Variants in RFX4 observed in about 807,000 individuals in gnomAD.
The protein encoded by RFX4 is regulatory factor X4, also known as transcription factor RFX4.
RFX4 carries 10 observed loss-of-function variants against 95.0 expected under a neutral mutation model. The ratio of observed to expected loss-of-function variants is 0.11; its 90% CI spans 0.06 to 0.18. The LOEUF (loss-of-function observed/expected upper bound fraction) is 0.18. Ranked by LOEUF, RFX4 falls within the 10% of genes least tolerant of loss-of-function variation. The pLI, the probability that RFX4 is intolerant of heterozygous loss-of-function variation, is 1.00. For synonymous variants in RFX4, 321 were observed against 340.7 expected (o/e 0.94, Z 0.64); for missense variants, 640 against 922.0 (o/e 0.69, Z 3.96).
chr12:106,665,915 C>T (rs537123618), intron 4 of RFX4, among the ~76,000 whole-genome samples: 1 of 151,942 alleles, frequency 6.6e-6, no homozygotes, highest in African/African-American at 2.4e-5. Context: ...TCTGTTAGAT[C>T]AATTAAAAAA....
intron 11 of RFX4, among the ~76,000 whole-genome samples, chr12:106,719,242 A>C (rs1218219419): frequency 6.6e-6 from 1 of 152,204 alleles, no homozygotes; most frequent in Non-Finnish European, 1.5e-5. Context: ...GGGCAGAGAG[A>C]CTGGTTCACT....
Position 106,725,330 on chromosome 12 carries a change from C to T in RFX4, c.1351+4454C>T, listed in dbSNP as rs188040134. Reference sequence around the variant, plus strand: ...CGCACAGACCCCAATTGTTAATGGACGGCACATCAAAGAATTTAGGGACCC... The same window carrying T: ...CGCACAGACCCCAATTGTTAATGGATGGCACATCAAAGAATTTAGGGACCC... On this transcript the variant is annotated intron_variant, in intron 13 of 17. Coordinates refer to ENST00000392842, the MANE Select transcript of RFX4 (RefSeq NM_213594.3). Among the ~76,000 whole-genome samples the T allele has an allele frequency of 1.1e-4, 16 of 151,894 alleles. No individual in the cohort carries two copies. In the East Asian group the frequency reaches 2.9e-3, roughly 28 times the overall value.
At chr12:106,708,354 T>C (rs2042126404) in intron 8 of RFX4, among the ~76,000 whole-genome samples, 1 of 151,724 alleles carries the variant, frequency 6.6e-6, no homozygotes, top group African/African-American at 2.4e-5. Flanking sequence ...TTTTTTTTTT[T>C]TCCCTGAGAA....
At chr12:106,712,446 G>T (rs961452418) in intron 10 of RFX4, among the ~76,000 whole-genome samples, 1 of 152,090 alleles carries the variant, frequency 6.6e-6, no homozygotes, top group Admixed American at 6.6e-5. Context: ...TCACCTGCCT[G>T]CCCCCTTCCT....
intron 4 of RFX4, among the ~76,000 whole-genome samples, chr12:106,671,864 G>C (rs2137369609): frequency 6.6e-6 from 1 of 152,170 alleles, no homozygotes; most frequent in South Asian, 2.1e-4. Context: ...GTTTCACTGT[G>C]TTGCCCAGGC....
intron 1 of RFX4, chr12:106,601,328 C>A: frequency 6.3e-7 from 1 of 1,588,248 alleles, no homozygotes. Flanking sequence ...GACCAGGCCT[C>A]GACGGCGCCG....
intron 9 of RFX4, among the ~76,000 whole-genome samples, chr12:106,709,767 T>C (rs12422687): frequency 0.22 from 32,936 of 151,974 alleles, 4,057 homozygotes; most frequent in East Asian, 0.34. Flanking sequence ...GCCTCTGCGA[T>C]GTAGAAAGTA....
At chr12:106,589,822 G>A (rs1034780682) in intron 1 of RFX4, among the ~76,000 whole-genome samples, 4 of 152,360 alleles carry the variant, frequency 2.6e-5, no homozygotes, top group South Asian at 2.1e-4. Context: ...CTGTGACTCC[G>A]CCTTTAAGGG....
intron 8 of RFX4, among the ~76,000 whole-genome samples, chr12:106,700,404 T>C (rs914287727): frequency 4.0e-5 from 5 of 126,520 alleles, no homozygotes; most frequent in Non-Finnish European, 8.1e-5. Flanking sequence ...CTTCTTTTTC[T>C]TTTTTTTTTT....
At chr12:106,735,427 T>C (rs1235226996) in intron 15 of RFX4, among the ~76,000 whole-genome samples, 3 of 152,062 alleles carry the variant, frequency 2.0e-5, no homozygotes, top group Non-Finnish European at 4.4e-5. Context: ...AAAGCTCTCA[T>C]TGAACATGTG....
chr12:106,682,229 A>C, intron 5 of RFX4, 175 bp downstream of exon 5: 1 of 616,194 alleles, frequency 1.6e-6, no homozygotes, highest in Non-Finnish European at 2.8e-6. Context: ...GACTCCTGAA[A>C]GAGAGGTTGT....
intron 15 of RFX4, among the ~76,000 whole-genome samples, chr12:106,743,915 G>C (rs944279846): frequency 1.1e-4 from 16 of 152,044 alleles, no homozygotes; most frequent in Non-Finnish European, 2.2e-4. Flanking sequence ...CACCCTTTCT[G>C]CTTCCATTTC....
At chr12:106,681,662 A>G (rs898414428) in intron 4 of RFX4, among the ~76,000 whole-genome samples, 2 of 152,192 alleles carry the variant, frequency 1.3e-5, no homozygotes, top group African/African-American at 4.8e-5. Context: ...TGTGGGTTTT[A>G]GTTCCAGGTG....
chr12:106,678,991 G>T lies in RFX4; in HGVS notation c.316-3002G>T, dbSNP rs147324596. 4.8e-3 allele frequency among the ~76,000 whole-genome samples: 737 copies of T among 152,218 alleles called. 6 individuals are homozygous for T. Among genetic ancestry groups the T allele is most frequent in the African/African-American group, 0.017 (687 of 41,536 alleles). On this transcript the variant is annotated intron_variant, in intron 4 of 17. Coordinates refer to ENST00000392842, the MANE Select transcript of RFX4 (RefSeq NM_213594.3). The stretch of plus-strand genomic sequence containing the variant: ...TCAGATTATTTCCTTGGAATTAATA[G>T]ATCAAAAATATAAGTACTTTATGGC...
intron 8 of RFX4, among the ~76,000 whole-genome samples, chr12:106,703,362 G>A (rs2042026518): frequency 6.6e-6 from 1 of 152,126 alleles, no homozygotes; most frequent in South Asian, 2.1e-4. Flanking sequence ...CCTCCAGAGG[G>A]GATTATGGCC....
intron 17 of RFX4, among the ~76,000 whole-genome samples, chr12:106,752,820 C>G (rs537278758): frequency 6.6e-6 from 1 of 152,088 alleles, no homozygotes; most frequent in African/African-American, 2.4e-5. Flanking sequence ...GGCCATTGCA[C>G]TTGGCTGCAT....
intron 2 of RFX4, among the ~76,000 whole-genome samples, chr12:106,633,332 A>C (rs184098142): frequency 6.6e-6 from 1 of 152,194 alleles, no homozygotes; most frequent in South Asian, 2.1e-4. Context: ...CACCAGCTAC[A>C]TGGCCTCATG....
At chr12:106,634,822 G>C (rs2040479961) in intron 2 of RFX4, among the ~76,000 whole-genome samples, 1 of 152,102 alleles carries the variant, frequency 6.6e-6, no homozygotes, top group African/African-American at 2.4e-5. Flanking sequence ...GACAAGCTCT[G>C]CTTTTTCATG....
At chr12:106,665,446 C>T (rs1301695417) in intron 4 of RFX4, among the ~76,000 whole-genome samples, 1 of 151,780 alleles carries the variant, frequency 6.6e-6, no homozygotes, top group Non-Finnish European at 1.5e-5. Context: ...CTTAGGCAAT[C>T]TTTGTCTTTT....
Sources: gnomAD v4.1 joint callset for allele counts (sites outside exome capture counted in the v4.1 genomes callset) on GRCh38, gnomAD v4.1.1 for gene constraint, MANE v1.5 for transcripts, NCBI Gene and HGNC (gene_info 2026-07-23, HGNC 2026-07-21) for gene names.